The following PRELID2 variants were observed in gnomAD, a reference collection of about 807,000 sequenced individuals.
PRELID2 encodes PRELI domain containing 2.
PRELID2 carries 25 observed loss-of-function variants against 28.4 expected under a neutral mutation model. That is an observed-to-expected ratio of 0.88 (90% confidence interval 0.64 to 1.23). The LOEUF (loss-of-function observed/expected upper bound fraction) is 1.23. Among genes scored for constraint, PRELID2 ranks in the 50% most tolerant of loss-of-function variants. PRELID2 has a pLI of 0.00. For missense variants in PRELID2, 201 were observed against 214.4 expected (o/e 0.94, Z 0.39); for synonymous variants, 76 against 71.6 (o/e 1.06, Z -0.31).
rs148710135 is a variant in PRELID2, at chr5:145,482,758, C to T, written n.71-9443G>A. The stretch of plus-strand genomic sequence containing the variant: ...TCAGTAGGAGCCCTGAGCTTGTTTT[C>T]CTGCAACTAGATGGCCCCATCTGGG... On this transcript the variant is annotated intron_variant and non_coding_transcript_variant, in intron 1 of 2. Coordinates refer to the PRELID2 transcript ENST00000510259. 9.7e-3 allele frequency among the ~76,000 whole-genome samples: 1,477 copies of T among 151,826 alleles called. 20 individuals are homozygous for T. Among genetic ancestry groups the T allele is most frequent in the African/African-American group, 0.034 (1,415 of 41,344 alleles).
the PRELID2 span, among the ~76,000 whole-genome samples, chr5:145,392,593 T>C: frequency 6.6e-6 from 1 of 152,048 alleles, no homozygotes; most frequent in Non-Finnish European, 1.5e-5. Flanking sequence ...CAATGCACTC[T>C]GAAAACAGTC....
the PRELID2 span, among the ~76,000 whole-genome samples, chr5:145,342,572 T>C: frequency 6.6e-6 from 1 of 152,066 alleles, no homozygotes; most frequent in Non-Finnish European, 1.5e-5. Flanking sequence ...AAAACAAGAT[T>C]TAGCTATATG....
At chr5:145,784,966 C>T (rs1175148651) in intron 5 of PRELID2, among the ~76,000 whole-genome samples, 1 of 151,730 alleles carries the variant, frequency 6.6e-6, no homozygotes, top group Non-Finnish European at 1.5e-5. Context: ...TTTTATAATT[C>T]AAGAAAATGA....
intron 5 of PRELID2, among the ~76,000 whole-genome samples, chr5:145,787,317 C>T (rs1321148153): frequency 1.3e-5 from 2 of 152,094 alleles, no homozygotes; most frequent in Non-Finnish European, 1.5e-5. Context: ...CCCAGAGAAG[C>T]AAAATGTGGA....
At chr5:145,650,498 T>C (rs1338055488) in intron 1 of PRELID2, among the ~76,000 whole-genome samples, 3 of 141,222 alleles carry the variant, frequency 2.1e-5, no homozygotes, top group African/African-American at 5.2e-5. Context: ...ACTGCTAAGG[T>C]GAATTTTGAG....
At chr5:145,484,303 A>G (rs1292910264) in intron 1 of PRELID2, among the ~76,000 whole-genome samples, 1 of 152,206 alleles carries the variant, frequency 6.6e-6, no homozygotes, top group East Asian at 1.9e-4. Flanking sequence ...GTAAGAAACA[A>G]TGCTATGAGC....
rs190305330 is a variant in PRELID2 at position 145,585,133 on chromosome 5, C to A, written n.71-111818G>T. Among the ~76,000 whole-genome samples, 127 of 152,200 alleles carry A rather than the reference C, an allele frequency of 8.3e-4. 1 individual carries two copies. The highest frequency in any genetic ancestry group is 3.0e-3 in the African/African-American group (123 of 41,560). ...AAAAGGAATGTGATCAAGTCCTTTG[C>A]AGGGACATGAATGGAGGTGGAAGCC... is the stretch of plus-strand genomic sequence containing the variant. On this transcript the variant is annotated intron_variant and non_coding_transcript_variant, in intron 1 of 2. Coordinates refer to the PRELID2 transcript ENST00000510259.
At chr5:145,366,221 C>G in the PRELID2 span, among the ~76,000 whole-genome samples, 1 of 151,812 alleles carries the variant, frequency 6.6e-6, no homozygotes, top group East Asian at 1.9e-4. Context: ...TCAGTTTATT[C>G]TTGTTTTCAA....
intron 4 of PRELID2, among the ~76,000 whole-genome samples, chr5:145,814,676 A>G (rs1054638201): frequency 2.6e-5 from 4 of 152,166 alleles, no homozygotes; most frequent in Non-Finnish European, 4.4e-5. Flanking sequence ...AATGATAAGT[A>G]TATAATAAAA....
At chr5:145,352,289 A>G in the PRELID2 span, among the ~76,000 whole-genome samples, 1 of 152,220 alleles carries the variant, frequency 6.6e-6, no homozygotes, top group African/African-American at 2.4e-5. Flanking sequence ...ACATCCTCTG[A>G]AATCTAGGCA....
At chr5:145,589,390 GGT>G (rs1753196211) in intron 1 of PRELID2, among the ~76,000 whole-genome samples, 1 of 151,956 alleles carries the variant, frequency 6.6e-6, no homozygotes, top group African/African-American at 2.4e-5. Context: ...AAAGGTTAAT[GGT>G]TAAAAGAGTG....
chr5:145,804,619 C>T (rs1174011778), intron 4 of PRELID2, among the ~76,000 whole-genome samples: 1 of 152,094 alleles, frequency 6.6e-6, no homozygotes, highest in African/African-American at 2.4e-5. Flanking sequence ...AGTTAATTCT[C>T]ACAACAGCCT....
chr5:145,560,375 C>G (rs938842199), intron 1 of PRELID2, among the ~76,000 whole-genome samples: 1 of 152,200 alleles, frequency 6.6e-6, no homozygotes, highest in Non-Finnish European at 1.5e-5. Context: ...ACTTACCCAG[C>G]ACATAGTAGG....
the PRELID2 span, among the ~76,000 whole-genome samples, chr5:145,405,349 T>G: frequency 6.6e-6 from 1 of 152,182 alleles, no homozygotes; most frequent in Non-Finnish European, 1.5e-5. Context: ...GTTAGTTAAT[T>G]GCTGTGTTAA....
intron 1 of PRELID2, among the ~76,000 whole-genome samples, chr5:145,555,713 C>T (rs984884586): frequency 3.3e-5 from 5 of 151,946 alleles, no homozygotes; most frequent in Non-Finnish European, 5.9e-5. Flanking sequence ...CTGTGGTGAG[C>T]CATATGCAAA....
At chr5:145,581,807 C>T (rs887176839) in intron 1 of PRELID2, among the ~76,000 whole-genome samples, 1 of 152,012 alleles carries the variant, frequency 6.6e-6, no homozygotes, top group African/African-American at 2.4e-5. Flanking sequence ...AATTGAGGAC[C>T]AGTCATGCAC....
At chr5:145,383,367 T>C in the PRELID2 span, among the ~76,000 whole-genome samples, 1 of 150,904 alleles carries the variant, frequency 6.6e-6, no homozygotes, top group East Asian at 1.9e-4. Context: ...TCCATATATA[T>C]ATATACACAC....
intron 1 of PRELID2, among the ~76,000 whole-genome samples, chr5:145,527,579 C>T (rs1222557172): frequency 1.3e-5 from 2 of 152,172 alleles, no homozygotes; most frequent in Non-Finnish European, 2.9e-5. Flanking sequence ...AATTTCTATA[C>T]ATTGTCATTA....
At chr5:145,365,605 T>C in the PRELID2 span, among the ~76,000 whole-genome samples, 4 of 151,874 alleles carry the variant, frequency 2.6e-5, no homozygotes, top group African/African-American at 7.2e-5. Context: ...GCAGCAGCAA[T>C]AATGTATTGA....
Sources: gnomAD v4.1 joint callset for allele counts (sites outside exome capture counted in the v4.1 genomes callset) on GRCh38, gnomAD v4.1.1 for gene constraint, MANE v1.5 for transcripts, NCBI Gene and HGNC (gene_info 2026-07-23, HGNC 2026-07-21) for gene names.